The following RAB14 variants were observed in gnomAD, a reference collection of about 807,000 sequenced individuals.
RAB14 encodes the protein RAB14, member RAS oncogene family.
In RAB14, 3 loss-of-function variants were observed where a neutral mutation model predicts 31.1. The observed-to-expected ratio is 0.10, with a 90% CI of 0.04 to 0.25. The LOEUF is 0.25. Ranked by LOEUF, RAB14 falls within the 10% of genes least tolerant of loss-of-function variation. RAB14 has a pLI of 1.00. For synonymous variants in RAB14, 85 were observed against 84.9 expected (o/e 1.00, Z 0.00); for missense variants, 111 against 260.1 (o/e 0.43, Z 3.94).
rs2053614459 is a variant in RAB14, at chr9:121,178,800, A to C, written c.*2596T>G. On this transcript the variant is annotated 3_prime_UTR_variant, in exon 8 of 8. Transcript: ENST00000373840. ...TAAATAGTACTAAGCACCAATTACT[A>C]ATCTGAAGGCCTCCTCACAGGTCCA... 6.6e-6 allele frequency: 1 copy of C among 152,220 alleles called. No homozygotes were observed. The highest frequency in any genetic ancestry group is 2.1e-4 in the South Asian group (1 of 4,832). 9.4% of individuals were successfully genotyped at this position (152,220 alleles called of 1,614,324 possible).
At position 121,181,282 on chromosome 9, in the gene RAB14, C is replaced by CT. The variant is rs539224489; in HGVS notation, c.*113dup. On this transcript the variant is annotated 3_prime_UTR_variant, in exon 8 of 8. Coordinates refer to ENST00000373840, the MANE Select transcript of RAB14 (RefSeq NM_016322.4). ...AACTGTTTTTACAACAGAGTTTTTT[C>CT]TTTTTTTTTAATTAAACCCAGTAAG... 5.5e-4 allele frequency: 619 copies of CT among 1,121,736 alleles called. No individual in the cohort carries two copies. Among genetic ancestry groups the CT allele is most frequent in the Middle Eastern group, 6.5e-4 (2 of 3,054 alleles). The allele number at this position is 1,121,736 out of a possible 1,614,324, so 69.5% of individuals were successfully genotyped here.
chr9:121,192,851 C>CT (rs2053694475), intron 2 of RAB14, among the ~76,000 whole-genome samples: 1 of 152,054 alleles, frequency 6.6e-6, no homozygotes, highest in South Asian at 2.1e-4. Context: ...AAAACGTGTA[C>CT]TTTCAAATGT....
intron 3 of RAB14, among the ~76,000 whole-genome samples, chr9:121,191,731 C>G (rs540714700): frequency 1.3e-5 from 2 of 152,126 alleles, no homozygotes; most frequent in African/African-American, 4.8e-5. Context: ...ACACTTTCAA[C>G]TATATTTAGC....
rs746072747 is a variant in RAB14 at position 121,180,322 on chromosome 9, C to T, written c.*1074G>A. On this transcript the variant is annotated 3_prime_UTR_variant, in exon 8 of 8. Transcript: ENST00000373840. ...TAAAATGTGCAATAGTAAACCCAGC[C>T]TTTTTTCTTTTTCTATACAGTAAGG... is the stretch of plus-strand genomic sequence containing the variant. The T allele has an allele frequency of 6.6e-6, 1 of 152,586 alleles. No individual in the cohort carries two copies. Among genetic ancestry groups the T allele is most frequent in the Non-Finnish European group, 1.5e-5 (1 of 68,026 alleles). 9.5% of individuals were successfully genotyped at this position (152,586 alleles called of 1,614,324 possible). A position where few individuals can be genotyped will look rare whatever the true frequency, so the allele number is the denominator to read the frequency against.
Position 121,181,250 on chromosome 9 carries a change from T to C in RAB14, c.*146A>G. 2 of 785,370 alleles carry C rather than the reference T, an allele frequency of 2.5e-6. No homozygotes were observed. The highest frequency in any genetic ancestry group is 4.1e-4 in the Middle Eastern group (1 of 2,434). The allele number at this position is 785,370 out of a possible 1,614,324, so 48.7% of individuals were successfully genotyped here. A position where few individuals can be genotyped will look rare whatever the true frequency, so the allele number is the denominator to read the frequency against. Reference sequence around the variant, plus strand: ...ATCTAGTTGTTTAGCAGTTTAGTATTGTGTTAAACTGTTTTTACAACAGAG... The same window carrying C: ...ATCTAGTTGTTTAGCAGTTTAGTATCGTGTTAAACTGTTTTTACAACAGAG... On this transcript the variant is annotated 3_prime_UTR_variant, in exon 8 of 8. Coordinates refer to ENST00000373840, the MANE Select transcript of RAB14 (RefSeq NM_016322.4).
chr9:121,185,419 A>G (rs1157980327), intron 5 of RAB14, among the ~76,000 whole-genome samples: 1 of 152,134 alleles, frequency 6.6e-6, no homozygotes, highest in Non-Finnish European at 1.5e-5. Context: ...TCTCAGGCAC[A>G]TGTGCGTTCG....
rs552420366 is a variant in RAB14, at chr9:121,180,808, A to G, written c.*588T>C. 6.5e-6 allele frequency: 1 copy of G among 152,818 alleles called. No individual in the cohort carries two copies. The highest frequency in any genetic ancestry group is 2.4e-5 in the African/African-American group (1 of 41,600). The allele number at this position is 152,818 out of a possible 1,614,324, so 9.5% of individuals were successfully genotyped here. A position where few individuals can be genotyped will look rare whatever the true frequency, so the allele number is the denominator to read the frequency against. On this transcript the variant is annotated 3_prime_UTR_variant, in exon 8 of 8. Coordinates refer to ENST00000373840, the MANE Select transcript of RAB14 (RefSeq NM_016322.4). ...TAAAAAAAGATAAAGCTATTAATTAAGCACGAGAGAGAAGATAAATGGATA... is the reference window on the plus strand; with the variant it reads ...TAAAAAAAGATAAAGCTATTAATTAGGCACGAGAGAGAAGATAAATGGATA...
intron 7 of RAB14, 43 bp downstream of exon 7, chr9:121,182,887 A>T (rs762482162): frequency 6.4e-7 from 1 of 1,560,204 alleles, no homozygotes; most frequent in Non-Finnish European, 8.8e-7. Flanking sequence ...TACTTTGAGA[A>T]ACTTGAATAT....
At position 121,192,211 on chromosome 9, in the gene RAB14, T is replaced by G. The variant is rs1182669343; in HGVS notation, c.66A>C (p.Val22=). The part of the protein sequence containing the change: ...FKYIIIGDMG[V]GKSCLLHQFT... ...ATTGATGAAGCAAGCAAGATTTTCC[T>G]ACTCCCATGTCCCCTGTTTAAAAAA... Residue 22 remains valine (V), a synonymous_variant, in exon 3 of 8, where the codon GTA becomes GTC. Coordinates refer to ENST00000373840, the MANE Select transcript of RAB14 (RefSeq NM_016322.4). 6.2e-7 allele frequency: 1 copy of G among 1,600,190 alleles called. No homozygotes were observed. The highest frequency in any genetic ancestry group is 8.5e-7 in the Non-Finnish European group (1 of 1,171,902).
At chr9:121,200,297 T>C (rs2053753132) in intron 1 of RAB14, among the ~76,000 whole-genome samples, 1 of 152,246 alleles carries the variant, frequency 6.6e-6, no homozygotes, top group Admixed American at 6.5e-5. Flanking sequence ...CAAGGTCAAG[T>C]TTGTCTTCAA....
rs2053632568 is a variant in RAB14 at position 121,181,468 on chromosome 9, G to C, written c.576C>G (p.His192Gln). 6.2e-7 allele frequency: 1 copy of C among 1,613,380 alleles called. No individual in the cohort carries two copies. Among genetic ancestry groups the C allele is most frequent in the African/African-American group, 1.3e-5 (1 of 74,912 alleles). The part of the protein sequence containing the change: ...DLNAAESGVQ[H>Q]KPSAPQGGRL... ...GGCCTCCCTGCGGGGCTGAAGGTTTGTGTTGTACACCAGACTCAGCAGCAT... is the reference window on the plus strand; with the variant it reads ...GGCCTCCCTGCGGGGCTGAAGGTTTCTGTTGTACACCAGACTCAGCAGCAT... The change falls in exon 8 of 8, where the codon CAC becomes CAG. Residue 192 changes from histidine to glutamine, a missense_variant. Coordinates refer to ENST00000373840, the MANE Select transcript of RAB14 (RefSeq NM_016322.4).
At chr9:121,196,914 C>T in intron 1 of RAB14, among the ~76,000 whole-genome samples, 1 of 152,140 alleles carries the variant, frequency 6.6e-6, no homozygotes, top group East Asian at 1.9e-4. Flanking sequence ...TTAATTCTCA[C>T]AACTCTGCAG....
chr9:121,188,576 T>C (rs979943191), intron 4 of RAB14, among the ~76,000 whole-genome samples: 20 of 151,704 alleles, frequency 1.3e-4, no homozygotes, highest in African/African-American at 4.6e-4. Context: ...TATGTCAAAA[T>C]GTTATGGCAA....
At position 121,190,785 on chromosome 9, in the gene RAB14, G is replaced by A. The variant is rs1017405669; in HGVS notation, c.107-54C>T. ...CAATTTTCAGAAAACTTCAAATTAA[G>A]CCTAGAGGGGGAAAATCCACTAAAT... On this transcript the variant is annotated intron_variant, in intron 3 of 7. Transcript: ENST00000373840. 404 of 1,549,574 alleles carry A rather than the reference G, an allele frequency of 2.6e-4. 2 individuals are homozygous for A. The East Asian group carries it at 8.2e-3, about 31-fold the overall frequency.
In RAB14 at chr9:121,191,057, G is replaced by A. The variant is rs558326939; in HGVS notation, c.107-326C>T. ...CAGCCAGAGACAATATGTAAAACAG[G>A]CATGGTTGTATTCCAATAAATTTTA... On this transcript the variant is annotated intron_variant, in intron 3 of 7. Coordinates refer to ENST00000373840, the MANE Select transcript of RAB14 (RefSeq NM_016322.4). Among the ~76,000 whole-genome samples the A allele has an allele frequency of 5.3e-4, 81 of 152,232 alleles. No homozygotes were observed. The South Asian group carries it at 8.5e-3, about 16-fold the overall frequency.
At position 121,181,544 on chromosome 9, in the gene RAB14, T is replaced by C. The variant is rs751109976; in HGVS notation, c.500A>G (p.Glu167Gly). The change falls in exon 8 of 8, where the codon GAG becomes GGG. Residue 167 changes from glutamate to glycine, a missense_variant. Transcript: ENST00000373840. ...GTTCTGATAGATTTTCTTGGCAGCC[T>C]CAAGGAAGGCATCTTCTACATTCTC... ...TGENVEDAFLEAAKKIYQNIQ... is the reference protein window; with the variant it reads ...TGENVEDAFLGAAKKIYQNIQ... The C allele has an allele frequency of 8.7e-6, 14 of 1,612,550 alleles. No homozygotes were observed. Among genetic ancestry groups the C allele is most frequent in the Non-Finnish European group, 1.1e-5 (13 of 1,178,912 alleles).
chr9:121,186,288 T>C (rs1467365270), intron 5 of RAB14, among the ~76,000 whole-genome samples: 1 of 152,140 alleles, frequency 6.6e-6, no homozygotes, highest in African/African-American at 2.4e-5. Flanking sequence ...GTCCCTCTAT[T>C]TCTAATTCGT....
chr9:121,182,840 G>T, intron 7 of RAB14, 90 bp downstream of exon 7: 1 of 994,266 alleles, frequency 1.0e-6, no homozygotes, highest in Admixed American at 2.3e-5. Context: ...TACTTTATAT[G>T]TGTATATACA....
Position 121,179,537 on chromosome 9 carries a change from C to G in RAB14, c.*1859G>C, listed in dbSNP as rs2053621501. 6.6e-6 allele frequency: 1 copy of G among 152,620 alleles called. No homozygotes were observed. 9.5% of individuals were successfully genotyped at this position (152,620 alleles called of 1,614,324 possible). A position where few individuals can be genotyped will look rare whatever the true frequency, so the allele number is the denominator to read the frequency against. ...TTGTTTTTGTAAATATACACACACA[C>G]CAGCAGGTCATGGTCCCTGGGTGAG... On this transcript the variant is annotated 3_prime_UTR_variant, in exon 8 of 8. Coordinates refer to ENST00000373840, the MANE Select transcript of RAB14 (RefSeq NM_016322.4).
Sources: gnomAD v4.1 joint callset for allele counts (sites outside exome capture counted in the v4.1 genomes callset) on GRCh38, gnomAD v4.1.1 for gene constraint, MANE v1.5 for transcripts, NCBI Gene and HGNC (gene_info 2026-07-23, HGNC 2026-07-21) for gene names.